The following VARS2 variants were observed in gnomAD, a reference collection of about 807,000 sequenced individuals.
VARS2 encodes the protein valine--tRNA ligase, mitochondrial.
Under a neutral mutation model 154.1 loss-of-function variants are expected in VARS2, and 105 were observed. That is an observed-to-expected ratio of 0.68 (90% CI 0.58 to 0.80). The LOEUF (loss-of-function observed/expected upper bound fraction) is 0.80. VARS2 is among the 30% of genes least tolerant of loss of function. The probability of loss-of-function intolerance (pLI) is 0.00; values close to 1 mark genes in which losing one functional copy is unlikely to be tolerated. For missense variants in VARS2, 1,157 were observed against 1,361.4 expected (o/e 0.85, Z 2.36); for synonymous variants, 483 against 539.5 (o/e 0.90, Z 1.45).
In VARS2 at chr6:30,917,834, C is replaced by T. The variant is rs901615162; in HGVS notation, c.985+28C>T. On this transcript the variant is annotated intron_variant, in intron 10 of 29. Coordinates refer to ENST00000676266, the MANE Select transcript of VARS2 (RefSeq NM_020442.6). This position sits in a 1 kb window ranked among gnomAD's most constrained non-coding sequence, Gnocchi z 4.4. ...GAGCATAGTACTCTGCAGGGTCACC[C>T]GTTTACCTCCATTTTTCCTGTTTTC... The T allele has an allele frequency of 1.3e-5, 20 of 1,544,732 alleles. No homozygotes were observed. Among genetic ancestry groups the T allele is most frequent in the Non-Finnish European group, 1.7e-5 (19 of 1,141,128 alleles).
Position 30,922,530 on chromosome 6 carries a change from C to A in VARS2, c.2013C>A (p.Asp671Glu). The change falls in exon 21 of 30, where the codon GAC (aspartate) becomes GAA (glutamate). Residue 671 changes from aspartate (D) to glutamate (E), a missense_variant. Coordinates refer to ENST00000676266, the MANE Select transcript of VARS2 (RefSeq NM_020442.6). Reference sequence around the variant, plus strand: ...TGGGGAATGTGCTGGACCCAAGAGACATCATCAGTGGGGTGGAGATGCAGG... The same window carrying A: ...TGGGGAATGTGCTGGACCCAAGAGAAATCATCAGTGGGGTGGAGATGCAGG... The part of the protein sequence containing the change: ...KSLGNVLDPR[D>E]IISGVEMQVL... 6.4e-7 allele frequency: 1 copy of A among 1,574,408 alleles called. No individual in the cohort carries two copies. The highest frequency in any genetic ancestry group is 1.7e-4 in the Middle Eastern group (1 of 5,866).
chr6:30,923,586 A>T (rs2150567298), intron 25 of VARS2, 81 bp downstream of exon 25: 9 of 1,538,656 alleles, frequency 5.8e-6, no homozygotes, highest in Non-Finnish European at 7.9e-6. Context: ...AGAGCTCTGG[A>T]GTTAATAAGT....
chr6:30,923,862 TA>T (rs1383404546), intron 25 of VARS2: 3 of 377,094 alleles, frequency 8.0e-6, no homozygotes, highest in African/African-American at 2.1e-5. Flanking sequence ...CAGCGGTCTT[TA>T]GACCAGGGGT....
chr6:30,923,655 T>G, intron 25 of VARS2, 150 bp downstream of exon 25: 2 of 1,210,908 alleles, frequency 1.7e-6, no homozygotes, highest in South Asian at 1.6e-5. Flanking sequence ...AGTTCCCCTC[T>G]TCCTGGGACT....
intron 29 of VARS2, 21 bp downstream of exon 29, chr6:30,926,029 C>A: frequency 6.2e-7 from 1 of 1,613,036 alleles, no homozygotes; most frequent in South Asian, 1.1e-5. Context: ...GGGAGGCCCC[C>A]AGAAGGCTCC....
rs779330237 is a variant in VARS2 at position 30,917,700 on chromosome 6, G to A, written c.879G>A (p.Glu293=). 1.3e-6 allele frequency: 2 copies of A among 1,557,176 alleles called. No homozygotes were observed. The highest frequency in any genetic ancestry group is 2.4e-5 in the South Asian group (2 of 84,348). Reference sequence around the variant, plus strand: ...AGCTTTCTCGGTGCCTCCAGGTGGAGAACCGGCCCCTGCCTGGCCACACAC... The same window carrying A: ...AGCTTTCTCGGTGCCTCCAGGTGGAAAACCGGCCCCTGCCTGGCCACACAC... The part of the protein sequence containing the change: ...LRSAISDIEV[E]NRPLPGHTQL... Residue 293 remains glutamate, a synonymous_variant, in exon 10 of 30, where the codon GAG becomes GAA. Coordinates refer to ENST00000676266, the MANE Select transcript of VARS2 (RefSeq NM_020442.6). This position sits in a 1 kb window ranked among gnomAD's most constrained non-coding sequence, Gnocchi z 4.4.
intron 21 of VARS2, 26 bp from the exon 22 acceptor site, chr6:30,922,680 C>G (rs1275205075): frequency 1.9e-6 from 3 of 1,607,234 alleles, no homozygotes; most frequent in South Asian, 1.1e-5. Flanking sequence ...CGACCTGGGT[C>G]GTGAATTGCC....
At position 30,915,426 on chromosome 6, in the gene VARS2, C is replaced by A. The variant is rs764004213; in HGVS notation, c.355C>A (p.Arg119=). 5 of 1,614,104 alleles carry A rather than the reference C, an allele frequency of 3.1e-6. No homozygotes were observed. Among genetic ancestry groups the A allele is most frequent in the Non-Finnish European group, 4.2e-6 (5 of 1,180,014 alleles). The change falls in exon 4 of 30, where the codon CGA becomes AGA. Residue 119 remains arginine, a synonymous_variant. Coordinates refer to ENST00000676266, the MANE Select transcript of VARS2 (RefSeq NM_020442.6). ...VEAAWYPWWV[R]EGFFKPEYQA... ...GGCTGCCTGGTACCCGTGGTGGGTA[C>A]GAGAGGGCTTCTTCAAACCAGAATA...
In VARS2 at chr6:30,919,374, A is replaced by G; in HGVS notation, c.1075-384A>G. ...TTTTAAGTAATGTTATTTAGTAGAG[A>G]CGGAGTGTCACTGTGTTAGCCAGGA... On this transcript the variant is annotated intron_variant, in intron 11 of 29. Coordinates refer to ENST00000676266, the MANE Select transcript of VARS2 (RefSeq NM_020442.6). The surrounding 1 kb of genome is among the most constrained non-coding windows in gnomAD (Gnocchi z 4.5). 1 of 200,288 alleles carries G rather than the reference A, an allele frequency of 5.0e-6. No individual in the cohort carries two copies. Among genetic ancestry groups the G allele is most frequent in the African/African-American group, 2.3e-5 (1 of 43,234 alleles). The allele number at this position is 200,288 out of a possible 1,614,324, so 12.4% of individuals were successfully genotyped here. A position where few individuals can be genotyped will look rare whatever the true frequency, so the allele number is the denominator to read the frequency against.
Position 30,916,796 on chromosome 6 carries a change from G to C in VARS2, c.672-82G>C. The C allele has an allele frequency of 2.2e-6, 3 of 1,389,312 alleles. No homozygotes were observed. In the African/African-American group the frequency reaches 4.3e-5, roughly 20 times the overall value. The allele number at this position is 1,389,312 out of a possible 1,614,324, so 86.1% of individuals were successfully genotyped here. ...CTCACTTGATTTTCCTCCAACACCTGGCATTGCTGGGGGCATCGCTGGGCC... is the reference window on the plus strand; with the variant it reads ...CTCACTTGATTTTCCTCCAACACCTCGCATTGCTGGGGGCATCGCTGGGCC... On this transcript the variant is annotated intron_variant, in intron 7 of 29. Coordinates refer to ENST00000676266, the MANE Select transcript of VARS2 (RefSeq NM_020442.6). The surrounding 1 kb of genome is among the most constrained non-coding windows in gnomAD (Gnocchi z 4.0).
chr6:30,920,083 C>T lies in VARS2; in HGVS notation c.1166-6C>T, dbSNP rs372991793. The T allele has an allele frequency of 6.6e-5, 101 of 1,533,090 alleles. No homozygotes were observed. Among genetic ancestry groups the T allele is most frequent in the Non-Finnish European group, 8.5e-5 (97 of 1,141,644 alleles). The allele number at this position is 1,533,090 out of a possible 1,614,324, so 95.0% of individuals were successfully genotyped here. A position where few individuals can be genotyped will look rare whatever the true frequency, so the allele number is the denominator to read the frequency against. On this transcript the variant is annotated splice_polypyrimidine_tract_variant and splice_region_variant and intron_variant, in intron 12 of 29. Transcript: ENST00000676266. This position sits in a 1 kb window ranked among gnomAD's most constrained non-coding sequence, Gnocchi z 4.6. ...TTCAGTACTCACCATGGCTGTGCTC[C>T]CCAAGGGGCAGTGAAGGTGACTCCA...
rs1274882650 is a variant in VARS2 at position 30,921,062 on chromosome 6, C to T, written c.1480-3C>T. The T allele has an allele frequency of 2.5e-6, 4 of 1,609,626 alleles. No individual in the cohort carries two copies. Among genetic ancestry groups the T allele is most frequent in the Non-Finnish European group, 3.4e-6 (4 of 1,177,954 alleles). On this transcript the variant is annotated splice_polypyrimidine_tract_variant and splice_region_variant and intron_variant, in intron 15 of 29. Coordinates refer to ENST00000676266, the MANE Select transcript of VARS2 (RefSeq NM_020442.6). This position sits in a 1 kb window ranked among gnomAD's most constrained non-coding sequence, Gnocchi z 4.6. ...CATTGTCTAAAGTCCCCTTTCTCTC[C>T]AGGCTGTGGAGTCGGGGGCCCTGGA... is the stretch of plus-strand genomic sequence containing the variant.
chr6:30,919,286 C>A lies in VARS2; in HGVS notation c.1074+371C>A. 1 of 206,532 alleles carries A rather than the reference C, an allele frequency of 4.8e-6. No homozygotes were observed. Among genetic ancestry groups the A allele is most frequent in the Admixed American group, 5.7e-5 (1 of 17,674 alleles). 12.8% of individuals were successfully genotyped at this position (206,532 alleles called of 1,614,324 possible). On this transcript the variant is annotated intron_variant, in intron 11 of 29. Coordinates refer to ENST00000676266, the MANE Select transcript of VARS2 (RefSeq NM_020442.6). The surrounding 1 kb of genome is among the most constrained non-coding windows in gnomAD (Gnocchi z 4.5). ...GCACCATGCCCGGCACGTGCCACCA[C>A]ACCCAGCTAATTTTTTGTATTTTTA...
In VARS2 at chr6:30,925,890, A is replaced by G; in HGVS notation, c.2972A>G (p.Asp991Gly). The G allele has an allele frequency of 6.2e-7, 1 of 1,612,766 alleles. No homozygotes were observed. The highest frequency in any genetic ancestry group is 8.5e-7 in the Non-Finnish European group (1 of 1,180,014). ...QVYMELQGLVDPQIQLPLLAA... is the reference protein window; with the variant it reads ...QVYMELQGLVGPQIQLPLLAA... ...CCTGTTCTTCCCCAGGGCCTGGTGG[A>G]CCCGCAGATCCAGCTACCTCTGTTA... Residue 991 changes from aspartate to glycine, a missense_variant, in exon 29 of 30, where the codon GAC becomes GGC. Physicochemically the swap from Asp to Gly is moderately conservative, Grantham distance 94. Transcript: ENST00000676266.
intron 25 of VARS2, chr6:30,923,809 C>T: frequency 2.2e-6 from 1 of 451,432 alleles, no homozygotes; most frequent in Non-Finnish European, 4.0e-6. Flanking sequence ...TGAGTTTGGC[C>T]CATGGGCAGG....
At position 30,925,633 on chromosome 6, in the gene VARS2, G is replaced by T. The variant is rs759920432; in HGVS notation, c.2875G>T (p.Gly959Cys). 3 of 1,611,198 alleles carry T rather than the reference G, an allele frequency of 1.9e-6. No homozygotes were observed. Among genetic ancestry groups the T allele is most frequent in the Non-Finnish European group, 2.5e-6 (3 of 1,179,804 alleles). ...CACCCTGGGCTACTGTGGGGCTGTG[G>T]GCCTGTTACCCCCAGGCGCAGCAGC... ...LGTLGYCGAVGLLPPGAAAPS... is the reference protein window; with the variant it reads ...LGTLGYCGAVCLLPPGAAAPS... The change falls in exon 28 of 30, where the codon GGC becomes TGC. Residue 959 changes from glycine (G) to cysteine (C), a missense_variant. Physicochemically the swap from Gly to Cys is radical, Grantham distance 159. Coordinates refer to ENST00000676266, the MANE Select transcript of VARS2 (RefSeq NM_020442.6).
intron 20 of VARS2, 24 bp downstream of exon 20, chr6:30,922,265 C>T (rs375480757): frequency 3.7e-6 from 6 of 1,604,414 alleles, no homozygotes; most frequent in East Asian, 2.2e-5. Context: ...AGTGCCCTGC[C>T]GCTTTCTGTG....
Position 30,920,203 on chromosome 6 carries a change from G to C in VARS2, c.1280G>C (p.Gly427Ala). The stretch of plus-strand genomic sequence containing the variant: ...GATGGGACCATGACCTCCCTCTGCG[G>C]GGACTGGCTGCAGGTGGTACCACCC... Reference protein sequence around the residue: ...AEDGTMTSLCGDWLQGLHRFV... With the variant: ...AEDGTMTSLCADWLQGLHRFV... Residue 427 changes from glycine to alanine, a missense_variant, in exon 13 of 30, where the codon GGG (glycine) becomes GCG (alanine). Gly to Ala is a moderately conservative substitution (Grantham distance 60). Coordinates refer to ENST00000676266, the MANE Select transcript of VARS2 (RefSeq NM_020442.6). This position sits in a 1 kb window ranked among gnomAD's most constrained non-coding sequence, Gnocchi z 4.6. The C allele has an allele frequency of 6.3e-7, 1 of 1,578,046 alleles. No individual in the cohort carries two copies.
At position 30,924,382 on chromosome 6, in the gene VARS2, C is replaced by T. The variant is rs138341222; in HGVS notation, c.2495C>T (p.Ser832Leu). Residue 832 changes from serine (S) to leucine (L), a missense_variant, in exon 26 of 30, where the codon TCG becomes TTG. Ser to Leu is a moderately radical substitution (Grantham distance 145). Coordinates refer to ENST00000676266, the MANE Select transcript of VARS2 (RefSeq NM_020442.6). ...GCTGTGAAGCCCGTGCTGTGGCACT[C>T]GCCCCGCCCCCTGGGGCCCCCTCAG... Reference protein sequence around the residue: ...LEAVKPVLWHSPRPLGPPQVL... With the variant: ...LEAVKPVLWHLPRPLGPPQVL... 8.2e-5 allele frequency: 133 copies of T among 1,612,408 alleles called. No individual in the cohort carries two copies. The highest frequency in any genetic ancestry group is 7.8e-4 in the East Asian group (35 of 44,878).
Sources: gnomAD v4.1 joint callset for allele counts on GRCh38, gnomAD v4.1.1 for gene constraint, Gnocchi (gnomAD v3.1) non-coding constraint, MANE v1.5 for transcripts, NCBI Gene and HGNC (gene_info 2026-07-23, HGNC 2026-07-21) for gene names.